The following MERTK variants were observed in gnomAD, a reference collection of about 807,000 sequenced individuals.
The protein encoded by MERTK is tyrosine-protein kinase Mer.
In MERTK, 69 loss-of-function variants were observed where a neutral mutation model predicts 99.3. That is an observed-to-expected ratio of 0.70 (90% CI 0.57 to 0.85). The LOEUF (loss-of-function observed/expected upper bound fraction) is 0.85, where lower values mean the gene tolerates loss of function less well. Among genes scored for constraint, MERTK ranks in the 40% least tolerant of loss-of-function variants. The pLI is 0.00. For synonymous variants in MERTK, 426 were observed against 467.6 expected (o/e 0.91, Z 1.15); for missense variants, 1,125 against 1,249.4 (o/e 0.90, Z 1.50).
chr2:111,929,159 T>C lies in MERTK; in HGVS notation c.101T>C (p.Leu34Pro). ...AGGGAAGAAGCCAAGCCTTACCCGC[T>C]ATTCCCGGGACCTTTTCCAGGGAGC... is the stretch of plus-strand genomic sequence containing the variant. ...EAREEAKPYPLFPGPFPGSLQ... is the reference protein window; with the variant it reads ...EAREEAKPYPPFPGPFPGSLQ... The change falls in exon 2 of 19, where the codon CTA (leucine) becomes CCA (proline). Residue 34 changes from leucine to proline, a missense_variant. By Grantham distance (98) the Leu-to-Pro change is moderately conservative. Transcript: ENST00000295408. 1 of 1,614,174 alleles carries C rather than the reference T, an allele frequency of 6.2e-7. No homozygotes were observed. The highest frequency in any genetic ancestry group is 8.5e-7 in the Non-Finnish European group (1 of 1,180,016).
chr2:111,900,370 T>G (rs1377448952), intron 1 of MERTK, among the ~76,000 whole-genome samples: 3 of 152,158 alleles, frequency 2.0e-5, no homozygotes, highest in African/African-American at 7.2e-5. Flanking sequence ...CCACTGCCCC[T>G]CCCTCCACCA....
At chr2:111,995,372 T>C (rs945087833) in intron 9 of MERTK, 1 of 188,292 alleles carries the variant, frequency 5.3e-6, no homozygotes, top group Non-Finnish European at 1.1e-5. Flanking sequence ...GGTTGTTTAA[T>C]GTTAAACGGC....
At chr2:111,999,640 G>A (rs1291081473) in intron 10 of MERTK, among the ~76,000 whole-genome samples, 2 of 152,172 alleles carry the variant, frequency 1.3e-5, no homozygotes, top group Non-Finnish European at 2.9e-5. Flanking sequence ...TGAGAAGATA[G>A]TACAGAGATT....
At chr2:112,002,587 C>A (rs1386457412) in intron 11 of MERTK, among the ~76,000 whole-genome samples, 2 of 152,122 alleles carry the variant, frequency 1.3e-5, no homozygotes, top group African/African-American at 2.4e-5. Flanking sequence ...TCAGAATTAA[C>A]CTTGCCCTGA....
chr2:112,001,754 A>G (rs1378729115), intron 11 of MERTK, among the ~76,000 whole-genome samples: 2 of 152,334 alleles, frequency 1.3e-5, no homozygotes, highest in South Asian at 4.1e-4. Context: ...AACAGACACT[A>G]GTGTTCCTGA....
rs115484554 is a variant in MERTK, at chr2:111,994,834, A to G, written c.1450+430A>G. 1.9e-3 allele frequency: 576 copies of G among 310,056 alleles called. 6 individuals carry two copies. Among genetic ancestry groups the G allele is most frequent in the African/African-American group, 0.011 (513 of 46,032 alleles). 19.2% of individuals were successfully genotyped at this position (310,056 alleles called of 1,614,324 possible). On this transcript the variant is annotated intron_variant, in intron 9 of 18. Coordinates refer to ENST00000295408, the MANE Select transcript of MERTK (RefSeq NM_006343.3). ...AATAAGAATCAAAAATAATTTTTCC[A>G]ATGATAAAGATATGATATGATAACA...
At chr2:111,924,112 C>T (rs1349130024) in intron 1 of MERTK, among the ~76,000 whole-genome samples, 1 of 152,148 alleles carries the variant, frequency 6.6e-6, no homozygotes, top group Non-Finnish European at 1.5e-5. Context: ...ATCTCACCAG[C>T]CACGTGGGGG....
Position 111,968,771 on chromosome 2 carries a change from C to T in MERTK, c.960+519C>T, listed in dbSNP as rs541673645. Among the ~76,000 whole-genome samples, 4 of 152,202 alleles carry T rather than the reference C, an allele frequency of 2.6e-5. No individual in the cohort carries two copies. The East Asian group carries it at 5.8e-4, about 22-fold the overall frequency. ...CTCAAACTCCCAACCTCAAGTGATCCGCCCGCCTCGGCCTCCCAAAGTACT... is the reference window on the plus strand; with the variant it reads ...CTCAAACTCCCAACCTCAAGTGATCTGCCCGCCTCGGCCTCCCAAAGTACT... On this transcript the variant is annotated intron_variant, in intron 6 of 18. Coordinates refer to ENST00000295408, the MANE Select transcript of MERTK (RefSeq NM_006343.3).
At chr2:111,948,354 A>G (rs1175210515) in intron 4 of MERTK, among the ~76,000 whole-genome samples, 3 of 152,174 alleles carry the variant, frequency 2.0e-5, no homozygotes, top group Admixed American at 6.5e-5. Flanking sequence ...GGCAGGGCTC[A>G]ATCCTGGGTC....
rs754574970 is a variant in MERTK, at chr2:111,983,036, C to T, written c.1296+43C>T. ...AAGAGCACGATTAGTCATCTCCTTT[C>T]AACTTGCTGGTTTACTTCAGTTTTA... is the stretch of plus-strand genomic sequence containing the variant. On this transcript the variant is annotated intron_variant, in intron 8 of 18. Transcript: ENST00000295408. The T allele has an allele frequency of 2.5e-6, 4 of 1,611,368 alleles. No individual in the cohort carries two copies. In the East Asian group the frequency reaches 8.9e-5, roughly 36 times the overall value.
In MERTK at chr2:112,003,005, T is replaced by C. The variant is rs375760826; in HGVS notation, c.1691-87T>C. 3.8e-4 allele frequency: 275 copies of C among 733,002 alleles called. 1 individual carries two copies. The South Asian group carries it at 3.9e-3, about 10-fold the overall frequency. 45.4% of individuals were successfully genotyped at this position (733,002 alleles called of 1,614,324 possible). On this transcript the variant is annotated intron_variant, in intron 11 of 18. Transcript: ENST00000295408. The stretch of plus-strand genomic sequence containing the variant: ...AAATAAATAAATAAGGAATGTTTTA[T>C]TATACAGGACTTTATTTCATTTTAA...
intron 6 of MERTK, among the ~76,000 whole-genome samples, chr2:111,971,203 CTT>C (rs1676112802): frequency 6.6e-6 from 1 of 152,026 alleles, no homozygotes; most frequent in African/African-American, 2.4e-5. Flanking sequence ...TGTCTTCTCT[CTT>C]ATTTTTCTTA....
At chr2:111,937,204 G>A (rs1459334249) in intron 2 of MERTK, among the ~76,000 whole-genome samples, 3 of 151,994 alleles carry the variant, frequency 2.0e-5, no homozygotes, top group Non-Finnish European at 4.4e-5. Flanking sequence ...CCGCACTTTG[G>A]GAGGCCAAAG....
At chr2:111,909,342 A>G (rs1027186323) in intron 1 of MERTK, among the ~76,000 whole-genome samples, 6 of 152,206 alleles carry the variant, frequency 3.9e-5, no homozygotes, top group Admixed American at 6.5e-5. Context: ...AGTTTTGCCC[A>G]GGCCTTTCCT....
intron 2 of MERTK, among the ~76,000 whole-genome samples, chr2:111,930,686 T>C (rs1684654890): frequency 6.6e-6 from 1 of 152,040 alleles, no homozygotes. Context: ...AAGAGCAAGC[T>C]AGATGAGGTG....
intron 5 of MERTK, among the ~76,000 whole-genome samples, chr2:111,966,135 A>G (rs1366503226): frequency 6.6e-6 from 1 of 152,234 alleles, no homozygotes; most frequent in African/African-American, 2.4e-5. Flanking sequence ...ATCATAGTTT[A>G]AATATTGAGA....
At chr2:111,960,218 C>T (rs546616343) in intron 4 of MERTK, among the ~76,000 whole-genome samples, 12 of 152,162 alleles carry the variant, frequency 7.9e-5, no homozygotes, top group South Asian at 2.1e-4. Flanking sequence ...TGGTGGCTCA[C>T]GCCTGTAATC....
At chr2:111,908,499 A>G (rs1485866863) in intron 1 of MERTK, among the ~76,000 whole-genome samples, 1 of 152,160 alleles carries the variant, frequency 6.6e-6, no homozygotes, top group Non-Finnish European at 1.5e-5. Flanking sequence ...GAAAACCATT[A>G]TCCCACATTG....
intron 4 of MERTK, among the ~76,000 whole-genome samples, chr2:111,957,305 A>G (rs1415495588): frequency 1.3e-5 from 2 of 152,066 alleles, no homozygotes; most frequent in East Asian, 3.9e-4. Flanking sequence ...CTCTGCTCAG[A>G]GCTCTGGGTT....
Sources: gnomAD v4.1 joint callset for allele counts (sites outside exome capture counted in the v4.1 genomes callset) on GRCh38, gnomAD v4.1.1 for gene constraint, MANE v1.5 for transcripts, NCBI Gene and HGNC (gene_info 2026-07-23, HGNC 2026-07-21) for gene names.